The following FBLN2 variants were observed in gnomAD, a reference collection of about 807,000 sequenced individuals.
FBLN2 encodes fibulin-2.
A neutral mutation model predicts 123.7 loss-of-function variants in FBLN2; 81 were observed. The ratio of observed to expected loss-of-function variants is 0.65; its 90% CI spans 0.55 to 0.79. The LOEUF is 0.79. Among genes scored for constraint, FBLN2 ranks in the 30% least tolerant of loss-of-function variants. The pLI, the probability that FBLN2 is intolerant of heterozygous loss-of-function variation, is 0.00. For synonymous variants in FBLN2, 699 were observed against 701.4 expected, an observed-to-expected ratio of 1.00 and a Z score of 0.05; for missense variants, 1,603 against 1,681.3, an observed-to-expected ratio of 0.95 and a Z score of 0.81.
At chr3:13,566,373 G>C (rs939653692) in intron 1 of FBLN2, 1 of 152,404 alleles carries the variant, frequency 6.6e-6, no homozygotes, top group Admixed American at 6.5e-5. Flanking sequence ...TAGATAGGGA[G>C]CTCACTCCTT....
intron 2 of FBLN2, among the ~76,000 whole-genome samples, chr3:13,578,932 A>G (rs573995128): frequency 3.7e-4 from 56 of 152,276 alleles, no homozygotes; most frequent in Non-Finnish European, 7.4e-4. Context: ...GTGCATGCCT[A>G]TAATCCCAGC....
Position 13,627,862 on chromosome 3 carries a change from C to T in FBLN2, c.2462C>T (p.Thr821Ile). 1 of 1,613,636 alleles carries T rather than the reference C, an allele frequency of 6.2e-7. No homozygotes were observed. Among genetic ancestry groups the T allele is most frequent in the South Asian group, 1.1e-5 (1 of 91,068 alleles). Residue 821 changes from threonine (T) to isoleucine (I), a missense_variant, in exon 11 of 18, where the codon ACC becomes ATC. Coordinates refer to ENST00000404922, the MANE Select transcript of FBLN2 (RefSeq NM_001004019.2). ...GATGAGTGTGCGATGGGCACGCACA[C>T]CTGCCAGCCGGGCTTCTTGTGCCAG... ...DVDECAMGTH[T>I]CQPGFLCQNT...
intron 4 of FBLN2, among the ~76,000 whole-genome samples, chr3:13,612,947 G>T (rs1705454965): frequency 6.6e-6 from 1 of 152,158 alleles, no homozygotes; most frequent in African/African-American, 2.4e-5. Context: ...CTGCTGACCT[G>T]AGCCACGCTC....
intron 11 of FBLN2, among the ~76,000 whole-genome samples, chr3:13,628,641 G>C (rs938030898): frequency 6.6e-6 from 1 of 152,200 alleles, no homozygotes; most frequent in Non-Finnish European, 1.5e-5. Flanking sequence ...AGTTATCCTA[G>C]CACTCAGCCT....
chr3:13,562,648 G>A (rs1040189642), intron 1 of FBLN2, among the ~76,000 whole-genome samples: 1 of 152,156 alleles, frequency 6.6e-6, no homozygotes, highest in Non-Finnish European at 1.5e-5. Flanking sequence ...GCCCGGCTGC[G>A]ATTTACCATT....
chr3:13,574,653 C>T (rs936405520), intron 2 of FBLN2, among the ~76,000 whole-genome samples: 24 of 152,142 alleles, frequency 1.6e-4, no homozygotes, highest in East Asian at 3.9e-4. Flanking sequence ...CATGGCAACG[C>T]GGCTGGAGGG....
chr3:13,554,805 G>T (rs1703418447), intron 1 of FBLN2, among the ~76,000 whole-genome samples: 2 of 152,142 alleles, frequency 1.3e-5, no homozygotes, highest in African/African-American at 2.4e-5. Context: ...AAGCCAGAGG[G>T]TGTCAGCTTC....
chr3:13,573,625 C>G (rs1189823196), intron 2 of FBLN2, among the ~76,000 whole-genome samples: 1 of 152,144 alleles, frequency 6.6e-6, no homozygotes, highest in Non-Finnish European at 1.5e-5. Flanking sequence ...GAGGGTGGGC[C>G]GGGCGTGGTG....
In FBLN2 at chr3:13,618,087, G is replaced by A. The variant is rs576478155; in HGVS notation, c.1741G>A (p.Glu581Lys). 1 of 1,613,232 alleles carries A rather than the reference G, an allele frequency of 6.2e-7. No homozygotes were observed. The highest frequency in any genetic ancestry group is 1.1e-5 in the South Asian group (1 of 91,068). The change falls in exon 6 of 18, where the codon GAG (glutamate) becomes AAG (lysine). Residue 581 changes from glutamate (E) to lysine (K), a missense_variant. Coordinates refer to ENST00000404922, the MANE Select transcript of FBLN2 (RefSeq NM_001004019.2). ...AACCCCTGTCCTAGTTTCAGAGGCA[G>A]AGATGGCGGGCCGAGAGGCCCTGTC... ...AAAPRRVSEA[E>K]MAGREALSLG...
intron 1 of FBLN2, among the ~76,000 whole-genome samples, chr3:13,558,113 C>G (rs9830360): frequency 0.83 from 126,566 of 152,210 alleles, 52,818 homozygotes; most frequent in East Asian, 1. Context: ...GCCTGAGGGA[C>G]TCGCAGAGAG....
At chr3:13,600,057 GAGAGCGAT>G (rs1406731477) in intron 2 of FBLN2, among the ~76,000 whole-genome samples, 1 of 149,760 alleles carries the variant, frequency 6.7e-6, no homozygotes, top group African/African-American at 2.5e-5. Flanking sequence ...GAGAGAGAGA[GAGAGCGAT>G]AGAGAGAGAG....
chr3:13,567,536 C>A lies in FBLN2; in HGVS notation c.-41-2779C>A, dbSNP rs577842719. ...TCATGCCTGGCTAATTTTTGTATTTCTGGTAGAGACAGGGTTTCACCACGT... is the reference window on the plus strand; with the variant it reads ...TCATGCCTGGCTAATTTTTGTATTTATGGTAGAGACAGGGTTTCACCACGT... On this transcript the variant is annotated intron_variant, in intron 1 of 17. Transcript: ENST00000404922. Among the ~76,000 whole-genome samples the A allele has an allele frequency of 2.0e-5, 3 of 152,022 alleles. No homozygotes were observed. In the East Asian group the frequency reaches 5.8e-4, roughly 30 times the overall value.
At chr3:13,614,623 TAC>T (rs1705522970) in intron 5 of FBLN2, among the ~76,000 whole-genome samples, 1 of 98,364 alleles carries the variant, frequency 1.0e-5, no homozygotes, top group Admixed American at 9.5e-5. Context: ...TCCACCCACC[TAC>T]CCACCCAATT....
intron 2 of FBLN2, among the ~76,000 whole-genome samples, chr3:13,583,752 G>C (rs1373421630): frequency 6.6e-6 from 1 of 152,250 alleles, no homozygotes; most frequent in East Asian, 1.9e-4. Context: ...ATAAAGGTGG[G>C]ATTAGCAGGT....
At chr3:13,588,859 G>A (rs747019236) in intron 2 of FBLN2, among the ~76,000 whole-genome samples, 16 of 152,296 alleles carry the variant, frequency 1.1e-4, no homozygotes, top group East Asian at 1.9e-4. Flanking sequence ...TAAACTGTAC[G>A]TATGATGGGC....
At chr3:13,591,329 T>G (rs62232961) in intron 2 of FBLN2, among the ~76,000 whole-genome samples, 8,772 of 152,398 alleles carry the variant, frequency 0.058, 333 homozygotes, top group Non-Finnish European at 0.083. Context: ...GCCTTTTTAC[T>G]CTCTTAATAA....
At chr3:13,594,413 G>A (rs1432798510) in intron 2 of FBLN2, among the ~76,000 whole-genome samples, 1 of 152,128 alleles carries the variant, frequency 6.6e-6, no homozygotes, top group East Asian at 1.9e-4. Context: ...GCTGTGATGG[G>A]CTTCTCTCTG....
chr3:13,594,388 G>T (rs768996981), intron 2 of FBLN2, among the ~76,000 whole-genome samples: 1 of 151,678 alleles, frequency 6.6e-6, no homozygotes, highest in East Asian at 1.9e-4. Context: ...CTTTCTGGGC[G>T]GGGCAGAGGT....
At chr3:13,619,108 G>C (rs765819851) in intron 7 of FBLN2, 91 bp downstream of exon 7, 44 of 937,144 alleles carry the variant, frequency 4.7e-5, no homozygotes, top group Non-Finnish European at 6.5e-5. Flanking sequence ...TCTGGTGCTG[G>C]GTATGTGCAA....
Sources: allele counts gnomAD v4.1 joint callset (sites outside exome capture counted in the v4.1 genomes callset), GRCh38; gene constraint gnomAD v4.1.1; transcripts MANE v1.5; gene names NCBI Gene and HGNC (gene_info 2026-07-23, HGNC 2026-07-21).